DMD: variants seen among roughly 807,000 people sequenced by gnomAD.
DMD encodes mutant dystrophin.
DMD carries 63 observed loss-of-function variants against 330.1 expected under a neutral mutation model. The ratio of observed to expected loss-of-function variants is 0.19; its 90% confidence interval spans 0.16 to 0.24. The LOEUF (loss-of-function observed/expected upper bound fraction) is 0.24, where lower values mean the gene tolerates loss of function less well. Ranked by LOEUF, DMD falls within the 10% of genes least tolerant of loss-of-function variation. DMD has a pLI of 1.00. For missense variants in DMD, 3,344 were observed against 2,684.1 expected, an observed-to-expected ratio of 1.25 and a Z score of -5.43; for synonymous variants, 1,223 against 959.8, an observed-to-expected ratio of 1.27 and a Z score of -5.07.
At chrX:31,215,010 C>G (rs1052016000) in intron 64 of DMD, among the ~76,000 whole-genome samples, 1 of 89,286 alleles carries the variant, frequency 1.1e-5, no homozygotes, top group African/African-American at 4.4e-5. Context: ...GGCGCGATCT[C>G]GGCTCGCTGC....
intron 1 of DMD, among the ~76,000 whole-genome samples, chrX:33,117,009 C>A (rs969482875): frequency 1.8e-5 from 2 of 110,638 alleles, no homozygotes; most frequent in African/African-American, 6.6e-5. Context: ...TTGGAACTTT[C>A]GGCTACATAG....
chrX:32,001,451 G>A (rs1397036834), intron 44 of DMD, among the ~76,000 whole-genome samples: 1 of 109,763 alleles, frequency 9.1e-6, no homozygotes, highest in African/African-American at 3.3e-5. Flanking sequence ...CAACTTAGGG[G>A]CACAGATTTC....
intron 41 of DMD, among the ~76,000 whole-genome samples, chrX:32,329,647 A>C (rs775557812): frequency 1.2e-4 from 13 of 112,598 alleles, no homozygotes; most frequent in Non-Finnish European, 2.4e-4. Flanking sequence ...ACCAGTTAAC[A>C]CATTTTGAGC....
chrX:32,428,400 A>C (rs1424637581), intron 29 of DMD, among the ~76,000 whole-genome samples: 2 of 111,350 alleles, frequency 1.8e-5, no homozygotes, highest in Admixed American at 9.5e-5. Context: ...ACTTCAGATG[A>C]AATTTACACT....
At chrX:32,754,580 G>C (rs1252339700) in intron 7 of DMD, among the ~76,000 whole-genome samples, 1 of 108,972 alleles carries the variant, frequency 9.2e-6, no homozygotes, top group Non-Finnish European at 1.9e-5. Context: ...GTAAAAGTAT[G>C]ATCTCTTCAA....
chrX:33,291,932 G>C (rs759224697), intron 1 of DMD, among the ~76,000 whole-genome samples: 1 of 111,672 alleles, frequency 9.0e-6, no homozygotes, highest in African/African-American at 3.2e-5. Flanking sequence ...GTATATTCAT[G>C]CAAATTATAT....
intron 44 of DMD, among the ~76,000 whole-genome samples, chrX:32,071,541 GA>G (rs2096298895): frequency 9.6e-6 from 1 of 104,325 alleles, no homozygotes; most frequent in Non-Finnish European, 2.0e-5. Context: ...ATAGCATTAG[GA>G]GATATACCTA....
intron 20 of DMD, among the ~76,000 whole-genome samples, chrX:32,485,953 G>T (rs2042418920): frequency 9.2e-6 from 1 of 109,074 alleles, no homozygotes; most frequent in Non-Finnish European, 1.9e-5. Context: ...CTGTTGGCCA[G>T]GCTGGTCTCA....
chrX:31,592,435 A>G (rs1367367557), intron 55 of DMD, among the ~76,000 whole-genome samples: 2 of 104,614 alleles, frequency 1.9e-5, no homozygotes, highest in Non-Finnish European at 3.9e-5. Flanking sequence ...GAGGAATTTG[A>G]TGATGGCCAA....
chrX:33,017,212 A>G (rs1049830057), intron 2 of DMD, among the ~76,000 whole-genome samples: 1 of 111,876 alleles, frequency 8.9e-6, no homozygotes, highest in Non-Finnish European at 1.9e-5. Context: ...CGCCACAACA[A>G]CAAGGATACA....
rs951690667 is a variant in DMD, at chrX:32,970,640, T to C, written c.93+49499A>G. Among the ~76,000 whole-genome samples the C allele has an allele frequency of 8.9e-5, 8 of 90,369 alleles. 2 individuals carry two copies. The highest frequency in any genetic ancestry group is 4.2e-4 in the African/African-American group (8 of 19,020). The allele number at this position is 90,369 out of a possible 115,157, so 78.5% of individuals were successfully genotyped here. A position where few individuals can be genotyped will look rare whatever the true frequency, so the allele number is the denominator to read the frequency against. On this transcript the variant is annotated intron_variant, in intron 2 of 78. Coordinates refer to ENST00000357033, the MANE Select transcript of DMD (RefSeq NM_004006.3). ...CAGAGCGAGACTCCATCTCAAATAATACTGATAATGATAATGATAATGATA... is the reference window on the plus strand; with the variant it reads ...CAGAGCGAGACTCCATCTCAAATAACACTGATAATGATAATGATAATGATA...
At chrX:32,021,456 G>A (rs1317254251) in intron 44 of DMD, among the ~76,000 whole-genome samples, 2 of 111,885 alleles carry the variant, frequency 1.8e-5, no homozygotes, top group Non-Finnish European at 3.8e-5. Flanking sequence ...TGATTAGCAA[G>A]GGGTAACATA....
chrX:31,279,732 A>T (rs1482004568), intron 62 of DMD, among the ~76,000 whole-genome samples: 4 of 112,370 alleles, frequency 3.6e-5, no homozygotes, highest in Non-Finnish European at 5.6e-5. Flanking sequence ...CAGTAGTACA[A>T]CTGGTCACAC....
chrX:31,793,606 C>G (rs1032051464), intron 50 of DMD, among the ~76,000 whole-genome samples: 11 of 111,960 alleles, frequency 9.8e-5, no homozygotes, highest in Middle Eastern at 9.3e-3. Flanking sequence ...TACAGTTGGG[C>G]AAAATCATCT....
chrX:33,294,392 T>A (rs1326256305), intron 1 of DMD, among the ~76,000 whole-genome samples: 2 of 110,661 alleles, frequency 1.8e-5, no homozygotes, highest in African/African-American at 3.3e-5. Flanking sequence ...TTCGCCATAG[T>A]TTTTTAGTTA....
At chrX:33,058,430 G>C (rs905199236) in intron 1 of DMD, among the ~76,000 whole-genome samples, 1 of 107,994 alleles carries the variant, frequency 9.3e-6, no homozygotes, top group Non-Finnish European at 1.9e-5. Flanking sequence ...GACTACAGGT[G>C]CATGCCACCA....
rs755020796 is a variant in DMD, at chrX:31,127,012, CAAACTT to C, written c.11015-345_11015-340del. Among the ~76,000 whole-genome samples, 352 of 111,267 alleles carry C rather than the reference CAAACTT, an allele frequency of 3.2e-3. 1 individual carries two copies. Among genetic ancestry groups the C allele is most frequent in the African/African-American group, 0.011 (337 of 30,724 alleles). ...TTGGGCATTGTTTTCAAGGACAACT[CAAACTT>C]AATGTTAAAAAAAGTCTCAGAATCT... On this transcript the variant is annotated intron_variant, in intron 77 of 78. Coordinates refer to ENST00000357033, the MANE Select transcript of DMD (RefSeq NM_004006.3).
At chrX:31,594,529 A>G (rs1185737173) in intron 55 of DMD, among the ~76,000 whole-genome samples, 1 of 111,590 alleles carries the variant, frequency 9.0e-6, no homozygotes, top group Non-Finnish European at 1.9e-5. Flanking sequence ...ACAGTATACT[A>G]AAAACCTTGG....
chrX:31,798,593 T>C (rs1425917610), intron 50 of DMD, among the ~76,000 whole-genome samples: 1 of 109,487 alleles, frequency 9.1e-6, no homozygotes, highest in Non-Finnish European at 1.9e-5. Flanking sequence ...CAAACATCAC[T>C]GGACTGAGAA....
Sources: gnomAD v4.1 joint callset for allele counts (sites outside exome capture counted in the v4.1 genomes callset) on GRCh38, gnomAD v4.1.1 for gene constraint, MANE v1.5 for transcripts, NCBI Gene and HGNC (gene_info 2026-07-23, HGNC 2026-07-21) for gene names.